PTPRD: variants seen among roughly 807,000 people sequenced by gnomAD.
PTPRD encodes receptor-type tyrosine-protein phosphatase delta.
In PTPRD, 34 loss-of-function variants were observed where a neutral mutation model predicts 214.5. That is an observed-to-expected ratio of 0.16 (90% CI 0.12 to 0.21). The LOEUF is 0.21. Among genes scored for constraint, PTPRD ranks in the 10% least tolerant of loss-of-function variants. PTPRD has a pLI of 1.00. For missense variants in PTPRD, 2,545 were observed against 2,398.7 expected, an observed-to-expected ratio of 1.06 and a Z score of -1.27; for synonymous variants, 1,128 against 845.7, an observed-to-expected ratio of 1.33 and a Z score of -5.79.
chr9:10,170,584 G>T (rs2099196153), intron 3 of PTPRD, among the ~76,000 whole-genome samples: 1 of 152,104 alleles, frequency 6.6e-6, no homozygotes, highest in Non-Finnish European at 1.5e-5. Flanking sequence ...CTACTCTGGA[G>T]GCTGAGGCAG....
At chr9:9,642,417 A>T (rs1467369502) in intron 7 of PTPRD, among the ~76,000 whole-genome samples, 1 of 151,720 alleles carries the variant, frequency 6.6e-6, no homozygotes, top group Non-Finnish European at 1.5e-5. Context: ...AAGTATAATA[A>T]AAAAAATAAG....
chr9:10,207,422 A>G (rs2154338720), intron 3 of PTPRD, among the ~76,000 whole-genome samples: 1 of 152,020 alleles, frequency 6.6e-6, no homozygotes, highest in Non-Finnish European at 1.5e-5. Flanking sequence ...AATTGGTATT[A>G]GGGTTATGCT....
At chr9:9,949,506 A>C (rs149092292) in intron 4 of PTPRD, among the ~76,000 whole-genome samples, 1 of 152,218 alleles carries the variant, frequency 6.6e-6, no homozygotes, top group East Asian at 1.9e-4. Context: ...TCTTCTTTGC[A>C]ACAGCCCTCG....
At chr9:8,468,379 T>C (rs1001939354) in intron 31 of PTPRD, among the ~76,000 whole-genome samples, 1 of 151,996 alleles carries the variant, frequency 6.6e-6, no homozygotes, top group African/African-American at 2.4e-5. Flanking sequence ...ATCTATTACA[T>C]GACCTGCTCT....
At chr9:9,589,929 G>A (rs966816855) in intron 7 of PTPRD, among the ~76,000 whole-genome samples, 3 of 151,752 alleles carry the variant, frequency 2.0e-5, no homozygotes, top group Non-Finnish European at 4.4e-5. Context: ...GGTCATCTCG[G>A]CAATATCTAT....
chr9:8,333,731 A>G (rs1381551477), intron 43 of PTPRD, among the ~76,000 whole-genome samples: 1 of 152,172 alleles, frequency 6.6e-6, no homozygotes, highest in Non-Finnish European at 1.5e-5. Context: ...CATGGACTAA[A>G]TGCCCCAATT....
chr9:10,248,233 G>C (rs1444789553), intron 3 of PTPRD, among the ~76,000 whole-genome samples: 4 of 152,098 alleles, frequency 2.6e-5, no homozygotes, highest in Non-Finnish European at 5.9e-5. Context: ...GGGTTAAAGT[G>C]TCAAGAGGAG....
At chr9:9,265,180 T>C (rs1938689549) in intron 9 of PTPRD, among the ~76,000 whole-genome samples, 2 of 151,686 alleles carry the variant, frequency 1.3e-5, no homozygotes, top group Admixed American at 1.3e-4. Flanking sequence ...TTAACTTTAG[T>C]ATAAAAGGTA....
intron 10 of PTPRD, among the ~76,000 whole-genome samples, chr9:9,159,228 C>G (rs2099884129): frequency 6.6e-6 from 1 of 151,602 alleles, no homozygotes; most frequent in Admixed American, 6.6e-5. Context: ...GGGAAAGAAA[C>G]AAAAGAACTA....
At chr9:10,383,724 G>C (rs543168257) in intron 2 of PTPRD, among the ~76,000 whole-genome samples, 1 of 151,664 alleles carries the variant, frequency 6.6e-6, no homozygotes, top group Non-Finnish European at 1.5e-5. Context: ...CTAGCAATAA[G>C]ATTTTGGGTC....
intron 5 of PTPRD, among the ~76,000 whole-genome samples, chr9:9,936,882 A>T (rs1462148300): frequency 2.1e-5 from 3 of 146,248 alleles, no homozygotes; most frequent in Non-Finnish European, 4.5e-5. Context: ...ACACCATGGA[A>T]TACTATGCAG....
At chr9:9,897,121 C>T (rs1344970869) in intron 5 of PTPRD, among the ~76,000 whole-genome samples, 5 of 71,032 alleles carry the variant, frequency 7.0e-5, no homozygotes, top group African/African-American at 2.1e-4. Context: ...ACAAAAACAT[C>T]TCTTACACTT....
chr9:8,423,983 A>G (rs2131736406), intron 35 of PTPRD, among the ~76,000 whole-genome samples: 1 of 152,308 alleles, frequency 6.6e-6, no homozygotes, highest in East Asian at 1.9e-4. Context: ...TATTTGTTTC[A>G]GATATAAACT....
At chr9:9,473,448 C>A (rs541164987) in intron 8 of PTPRD, among the ~76,000 whole-genome samples, 1 of 152,218 alleles carries the variant, frequency 6.6e-6, no homozygotes, top group South Asian at 2.1e-4. Context: ...GTGCAGGTAT[C>A]TCTTTGATAT....
intron 9 of PTPRD, among the ~76,000 whole-genome samples, chr9:9,270,971 A>C (rs531255806): frequency 6.6e-6 from 1 of 151,464 alleles, no homozygotes; most frequent in Non-Finnish European, 1.5e-5. Flanking sequence ...ATTAATATAA[A>C]GAAGACGGTG....
At chr9:8,773,154 T>A (rs1232591138) in intron 11 of PTPRD, among the ~76,000 whole-genome samples, 1 of 152,194 alleles carries the variant, frequency 6.6e-6, no homozygotes, top group African/African-American at 2.4e-5. Flanking sequence ...TTTAGTCTTT[T>A]TGAGTGGTTC....
intron 14 of PTPRD, among the ~76,000 whole-genome samples, chr9:8,625,026 C>A (rs2095972226): frequency 6.6e-6 from 1 of 151,792 alleles, no homozygotes; most frequent in Non-Finnish European, 1.5e-5. Flanking sequence ...CCACAAATAT[C>A]TCTTGGGTGC....
At chr9:9,030,714 C>T (rs914558505) in intron 10 of PTPRD, among the ~76,000 whole-genome samples, 2 of 151,652 alleles carry the variant, frequency 1.3e-5, no homozygotes, top group African/African-American at 4.8e-5. Flanking sequence ...TTCTGTAGGA[C>T]CTTTATTGTT....
At chr9:9,491,914 G>T (rs954876589) in intron 8 of PTPRD, among the ~76,000 whole-genome samples, 8 of 151,884 alleles carry the variant, frequency 5.3e-5, no homozygotes, top group African/African-American at 1.9e-4. Flanking sequence ...CAATGAAATA[G>T]ATAATAGAAA....
Sources: allele counts gnomAD v4.1 joint callset (sites outside exome capture counted in the v4.1 genomes callset), GRCh38; gene constraint gnomAD v4.1.1; transcripts MANE v1.5; gene names NCBI Gene and HGNC (gene_info 2026-07-23, HGNC 2026-07-21).